IPO11: variants seen among roughly 807,000 people sequenced by gnomAD.
The protein encoded by IPO11 is importin-11.
IPO11 carries 66 observed loss-of-function variants against 143.2 expected under a neutral mutation model. The ratio of observed to expected loss-of-function variants is 0.46; its 90% confidence interval spans 0.38 to 0.57. The LOEUF (loss-of-function observed/expected upper bound fraction) is 0.57, where lower values mean the gene tolerates loss of function less well. Among genes scored for constraint, IPO11 ranks in the 20% least tolerant of loss-of-function variants. The probability of loss-of-function intolerance (pLI) is 0.00; values close to 1 mark genes in which losing one functional copy is unlikely to be tolerated. For missense variants in IPO11, 1,026 were observed against 1,141.0 expected (o/e 0.90, Z 1.45); for synonymous variants, 385 against 377.8 (o/e 1.02, Z -0.22).
chr5:62,510,728 G>A (rs915839325), intron 19 of IPO11, among the ~76,000 whole-genome samples: 1 of 151,932 alleles, frequency 6.6e-6, no homozygotes, highest in Non-Finnish European at 1.5e-5. Context: ...AGCAGTCGGT[G>A]ATTGATTTTT....
chr5:62,472,566 C>T (rs1015576439), intron 7 of IPO11, among the ~76,000 whole-genome samples: 6 of 144,222 alleles, frequency 4.2e-5, no homozygotes, highest in East Asian at 2.0e-4. Context: ...CTCACTCTGT[C>T]GCGCAGGCTG....
intron 12 of IPO11, among the ~76,000 whole-genome samples, chr5:62,487,295 C>G (rs113141568): frequency 9.2e-5 from 14 of 151,980 alleles, no homozygotes; most frequent in African/African-American, 3.4e-4. Context: ...ACTCGGGAGG[C>G]TGAAGCAGGG....
chr5:62,532,606 C>T (rs1364046312), intron 22 of IPO11, among the ~76,000 whole-genome samples: 1 of 152,212 alleles, frequency 6.6e-6, no homozygotes, highest in African/African-American at 2.4e-5. Context: ...GATCCACCTG[C>T]CTCGGCATCC....
In IPO11 at chr5:62,588,139, A is replaced by AT. The variant is rs555488318; in HGVS notation, c.2583-3436dup. ...GTATGCACTTCCACTTCAACCACAC[A>AT]TTCCTCCCTTGTGATCATGCTCAAA... On this transcript the variant is annotated intron_variant, in intron 27 of 29. Coordinates refer to ENST00000325324, the MANE Select transcript of IPO11 (RefSeq NM_016338.5). Among the ~76,000 whole-genome samples, 104 of 151,706 alleles carry AT rather than the reference A, an allele frequency of 6.9e-4. 1 individual carries two copies. The highest frequency in any genetic ancestry group is 2.4e-3 in the Admixed American group (36 of 15,226).
chr5:62,513,002 C>T (rs1191992343), intron 19 of IPO11, among the ~76,000 whole-genome samples: 6 of 149,922 alleles, frequency 4.0e-5, no homozygotes, highest in African/African-American at 1.5e-4. Flanking sequence ...ACAGACACGG[C>T]AACCATCTGA....
At chr5:62,551,462 T>C in intron 26 of IPO11, 126 bp downstream of exon 26, 1 of 527,716 alleles carries the variant, frequency 1.9e-6, no homozygotes, top group African/African-American at 1.9e-5. Flanking sequence ...TTTTAAATCT[T>C]TATTTATGCT....
chr5:62,596,690 A>G (rs1410648099), intron 28 of IPO11, among the ~76,000 whole-genome samples: 1 of 152,184 alleles, frequency 6.6e-6, no homozygotes, highest in Non-Finnish European at 1.5e-5. Flanking sequence ...GGATTCTGAC[A>G]TCTGTATATT....
intron 27 of IPO11, among the ~76,000 whole-genome samples, chr5:62,585,395 T>C (rs1744734562): frequency 6.6e-6 from 1 of 152,182 alleles, no homozygotes; most frequent in South Asian, 2.1e-4. Flanking sequence ...TAAATGCTAC[T>C]GACCAGGTAA....
Position 62,451,793 on chromosome 5 carries a change from C to G in IPO11, c.376C>G (p.Pro126Ala). 6.2e-7 allele frequency: 1 copy of G among 1,614,126 alleles called. No homozygotes were observed. The highest frequency in any genetic ancestry group is 8.5e-7 in the Non-Finnish European group (1 of 1,180,000). Residue 126 changes from proline to alanine, a missense_variant, in exon 5 of 30, where the codon CCT becomes GCT. Around this residue, in one of 5 missense-constraint regions of IPO11, gnomAD observed 429 missense variants for 456.3 expected, o/e 0.94. Coordinates refer to ENST00000325324, the MANE Select transcript of IPO11 (RefSeq NM_016338.5). ...TAGATTGGATTGTCCCAGACAGTGG[C>G]CTGAACTAATTCCCACTCTTATAGA... is the stretch of plus-strand genomic sequence containing the variant. ...VARLDCPRQW[P>A]ELIPTLIESV...
intron 1 of IPO11, among the ~76,000 whole-genome samples, chr5:62,424,703 A>G (rs113240779): frequency 6.6e-6 from 1 of 151,446 alleles, no homozygotes; most frequent in African/African-American, 2.4e-5. Context: ...CTGCCTCCCA[A>G]ATTGGTGGGA....
At chr5:62,452,008 C>G in intron 5 of IPO11, 75 bp downstream of exon 5, 1 of 1,209,644 alleles carries the variant, frequency 8.3e-7, no homozygotes. Flanking sequence ...CCTGTAATCT[C>G]AGCACTTTGG....
intron 11 of IPO11, 80 bp downstream of exon 11, chr5:62,484,242 G>A: frequency 2.6e-6 from 3 of 1,165,072 alleles, no homozygotes; most frequent in Non-Finnish European, 3.5e-6. Flanking sequence ...GTATAATATT[G>A]TATTTTCATA....
At chr5:62,501,330 A>G (rs185775196) in intron 16 of IPO11, among the ~76,000 whole-genome samples, 18 of 152,360 alleles carry the variant, frequency 1.2e-4, no homozygotes, top group East Asian at 5.8e-4. Flanking sequence ...TCTGAATTCA[A>G]TTATACTCAT....
chr5:62,519,397 G>T (rs904243352), intron 20 of IPO11, among the ~76,000 whole-genome samples: 2 of 152,088 alleles, frequency 1.3e-5, no homozygotes, highest in Non-Finnish European at 2.9e-5. Context: ...CCATATCATA[G>T]GTTTCTCAGT....
At chr5:62,448,720 T>C (rs1744804745) in intron 3 of IPO11, among the ~76,000 whole-genome samples, 1 of 151,998 alleles carries the variant, frequency 6.6e-6, no homozygotes, top group Admixed American at 6.6e-5. Context: ...TCTGCTAATG[T>C]TTTTTAGTTC....
intron 29 of IPO11, among the ~76,000 whole-genome samples, chr5:62,606,372 T>C (rs1745715453): frequency 6.8e-6 from 1 of 147,708 alleles, no homozygotes; most frequent in Admixed American, 6.9e-5. Context: ...CCCAGCTACT[T>C]GGGAGGCTGA....
chr5:62,430,170 A>G (rs1350816983), intron 1 of IPO11, among the ~76,000 whole-genome samples: 2 of 152,204 alleles, frequency 1.3e-5, no homozygotes, highest in Non-Finnish European at 2.9e-5. Context: ...TTGTATGGAC[A>G]TATTCATTTC....
chr5:62,518,037 C>G (rs1324511151), intron 20 of IPO11, among the ~76,000 whole-genome samples: 2 of 151,702 alleles, frequency 1.3e-5, no homozygotes, highest in African/African-American at 4.9e-5. Context: ...GGCACTGTGG[C>G]TCACACCTGT....
chr5:62,463,746 TGTTA>T (rs912786902), intron 5 of IPO11, among the ~76,000 whole-genome samples: 10 of 151,986 alleles, frequency 6.6e-5, no homozygotes, highest in South Asian at 2.1e-4. Context: ...TGCAGTTAAT[TGTTA>T]GTTATTGTAT....
Sources: allele counts gnomAD v4.1 joint callset (sites outside exome capture counted in the v4.1 genomes callset), GRCh38; gene constraint gnomAD v4.1.1; regional missense constraint gnomAD v4.1.1; transcripts MANE v1.5; gene names NCBI Gene and HGNC (gene_info 2026-07-23, HGNC 2026-07-21).